SERPINB8: variants seen among roughly 807,000 people sequenced by gnomAD.
SERPINB8 encodes serpin B8.
A neutral mutation model predicts 35.3 loss-of-function variants in SERPINB8; 25 were observed. That is an observed-to-expected ratio of 0.71 (90% CI 0.52 to 0.99). The LOEUF is 0.99. Among genes scored for constraint, SERPINB8 ranks in the 50% least tolerant of loss-of-function variants. The pLI is 0.00. For missense variants in SERPINB8, 484 were observed against 446.5 expected, an observed-to-expected ratio of 1.08 and a Z score of -0.76; for synonymous variants, 186 against 160.8, an observed-to-expected ratio of 1.16 and a Z score of -1.19.
chr18:63,985,099 A>AG lies in SERPINB8; in HGVS notation c.574_575insG (p.Lys192ArgfsTer8). 6.2e-7 allele frequency: 1 copy of AG among 1,612,966 alleles called. No homozygotes were observed. Among genetic ancestry groups the AG allele is most frequent in the Admixed American group, 1.7e-5 (1 of 59,692 alleles). On this transcript the variant is annotated frameshift_variant, in exon 6 of 7. Transcript: ENST00000397985. LOFTEE classifies it high-confidence loss of function. ...ACTTTAATTTTTCCGTTAGGAAAAA[A>AG]AGACAGTGCAGATGATGTTTAAGGA...
chr18:64,004,316 G>A (rs1463547747), intron 1 of SERPINB8, among the ~76,000 whole-genome samples: 1 of 151,760 alleles, frequency 6.6e-6, no homozygotes, highest in Admixed American at 6.6e-5. Flanking sequence ...CAGGCTTGCT[G>A]AAAAGAAAAA....
At chr18:63,991,489 T>A (rs1319446647), downstream of SERPINB8, among the ~76,000 whole-genome samples, 1 of 152,240 alleles carries the variant, frequency 6.6e-6, no homozygotes, top group South Asian at 2.1e-4. Flanking sequence ...GTGGTGTTGC[T>A]TTTTAATTTC....
chr18:63,981,507 C>T (rs1400196951), intron 3 of SERPINB8, among the ~76,000 whole-genome samples: 1 of 152,196 alleles, frequency 6.6e-6, no homozygotes, highest in Non-Finnish European at 1.5e-5. Context: ...TGCCTCTTCT[C>T]AGGCTGTGGA....
chr18:63,986,729 G>A, intron 6 of SERPINB8, 145 bp from the exon 7 acceptor site: 1 of 1,412,068 alleles, frequency 7.1e-7, no homozygotes, highest in East Asian at 2.3e-5. Flanking sequence ...ATCTTGGTGT[G>A]TTTATAAAAG....
chr18:64,011,551 T>C (rs1041570301), intron 7 of SERPINB8, among the ~76,000 whole-genome samples: 18 of 152,298 alleles, frequency 1.2e-4, no homozygotes, highest in African/African-American at 3.8e-4. Context: ...GATGTAATTA[T>C]CAGTGTCCAT....
At chr18:63,971,144 G>A (rs543472705) in intron 1 of SERPINB8, among the ~76,000 whole-genome samples, 15 of 149,222 alleles carry the variant, frequency 1.0e-4, no homozygotes, top group Non-Finnish European at 1.9e-4. Flanking sequence ...CTGATGGCTG[G>A]GTCTCAGTCT....
intron 5 of SERPINB8, 50 bp downstream of exon 5, chr18:63,983,771 C>T (rs759446134): frequency 2.3e-6 from 3 of 1,283,680 alleles, no homozygotes. Flanking sequence ...AGTAATATTA[C>T]AGGAAATATT....
chr18:63,996,597 C>T (rs2050850759), intron 1 of SERPINB8, among the ~76,000 whole-genome samples: 2 of 152,180 alleles, frequency 1.3e-5, no homozygotes, highest in Non-Finnish European at 2.9e-5. Flanking sequence ...GAGTTGCTTG[C>T]CTGGAGGAAG....
At chr18:64,017,129 C>A (rs1201290827) in intron 7 of SERPINB8, among the ~76,000 whole-genome samples, 1 of 152,120 alleles carries the variant, frequency 6.6e-6, no homozygotes, top group Non-Finnish European at 1.5e-5. Context: ...TGATATTAGG[C>A]TCATCATTTT....
downstream of SERPINB8, among the ~76,000 whole-genome samples, chr18:64,007,580 C>T (rs918421642): frequency 6.6e-6 from 1 of 152,182 alleles, no homozygotes; most frequent in Non-Finnish European, 1.5e-5. Flanking sequence ...TTAATTGGCT[C>T]ATGGTTCTAC....
chr18:63,986,836 T>A (rs770441514), intron 6 of SERPINB8, 38 bp from the exon 7 acceptor site: 5 of 1,554,054 alleles, frequency 3.2e-6, no homozygotes, highest in Non-Finnish European at 4.3e-6. Context: ...CAGGCTATTG[T>A]CATCTAAATT....
At chr18:63,998,139 A>G (rs1422688266) in intron 1 of SERPINB8, among the ~76,000 whole-genome samples, 3 of 152,186 alleles carry the variant, frequency 2.0e-5, no homozygotes, top group African/African-American at 7.2e-5. Context: ...CTTCTGGTCA[A>G]AAAGGCCAGG....
In SERPINB8 at chr18:63,987,349, C is replaced by G; in HGVS notation, c.*71C>G. 1 of 1,485,112 alleles carries G rather than the reference C, an allele frequency of 6.7e-7. No homozygotes were observed. The allele number at this position is 1,485,112 out of a possible 1,614,324, so 92.0% of individuals were successfully genotyped here. A position where few individuals can be genotyped will look rare whatever the true frequency, so the allele number is the denominator to read the frequency against. On this transcript the variant is annotated 3_prime_UTR_variant, in exon 7 of 7. Coordinates refer to ENST00000397985, the MANE Select transcript of SERPINB8 (RefSeq NM_002640.4). ...TGCCTTAATTAACATTCCCTGTGACCTAGTTGGTGCAGTGGCTTGAATGCC... is the reference window on the plus strand; with the variant it reads ...TGCCTTAATTAACATTCCCTGTGACGTAGTTGGTGCAGTGGCTTGAATGCC...
chr18:64,015,737 T>A (rs1293708535), intron 7 of SERPINB8, among the ~76,000 whole-genome samples: 1 of 152,218 alleles, frequency 6.6e-6, no homozygotes, highest in Non-Finnish European at 1.5e-5. Flanking sequence ...TACCGCTATT[T>A]GTCATTTCAA....
chr18:64,004,452 T>G (rs1033766650), intron 1 of SERPINB8, among the ~76,000 whole-genome samples: 1 of 152,206 alleles, frequency 6.6e-6, no homozygotes. Context: ...AACTATATTT[T>G]GAATTATTTC....
At chr18:63,996,223 A>C (rs1230246026) in intron 1 of SERPINB8, among the ~76,000 whole-genome samples, 1 of 152,184 alleles carries the variant, frequency 6.6e-6, no homozygotes, top group Non-Finnish European at 1.5e-5. Context: ...GGCTGGTTTC[A>C]ATTGCTAAGC....
At chr18:64,016,470 G>A (rs924924151) in intron 7 of SERPINB8, among the ~76,000 whole-genome samples, 1 of 151,774 alleles carries the variant, frequency 6.6e-6, no homozygotes. Flanking sequence ...TTTTGTTTTT[G>A]TTTAGGTAGA....
chr18:63,994,539 G>C (rs1438801050), intron 1 of SERPINB8, among the ~76,000 whole-genome samples: 1 of 152,112 alleles, frequency 6.6e-6, no homozygotes, highest in East Asian at 1.9e-4. Flanking sequence ...GGACCCCGCA[G>C]GGCACCCTTA....
At chr18:63,995,433 A>T (rs115935043) in intron 1 of SERPINB8, among the ~76,000 whole-genome samples, 1,851 of 152,274 alleles carry the variant, frequency 0.012, 35 homozygotes, top group African/African-American at 0.043. Context: ...GAAACAGATA[A>T]TGTTCTCTGG....
Sources: gnomAD v4.1 joint callset for allele counts (sites outside exome capture counted in the v4.1 genomes callset) on GRCh38, gnomAD v4.1.1 for gene constraint, MANE v1.5 for transcripts, NCBI Gene and HGNC (gene_info 2026-07-23, HGNC 2026-07-21) for gene names.